TEX11: variants seen among roughly 807,000 people sequenced by gnomAD.
The protein encoded by TEX11 is testis expressed 11, also known as testis-expressed protein 11.
Under a neutral mutation model 84.4 loss-of-function variants are expected in TEX11, and 7 were observed. The ratio of observed to expected loss-of-function variants is 0.08; its 90% confidence interval spans 0.05 to 0.16. The LOEUF (loss-of-function observed/expected upper bound fraction) is 0.16, where lower values mean the gene tolerates loss of function less well. Among genes scored for constraint, TEX11 ranks in the 10% least tolerant of loss-of-function variants. The pLI is 1.00. For synonymous variants in TEX11, 264 were observed against 222.8 expected, an observed-to-expected ratio of 1.18 and a Z score of -1.64; for missense variants, 551 against 660.5, an observed-to-expected ratio of 0.83 and a Z score of 1.82.
chrX:70,633,406 T>G (rs1457079000), intron 17 of TEX11, among the ~76,000 whole-genome samples: 1 of 111,755 alleles, frequency 8.9e-6, no homozygotes, highest in Non-Finnish European at 1.9e-5. Context: ...ATAAAGGATA[T>G]CTGTGAAAAA....
intron 16 of TEX11, among the ~76,000 whole-genome samples, chrX:70,660,480 C>A (rs1220273204): frequency 9.0e-6 from 1 of 111,582 alleles, no homozygotes; most frequent in South Asian, 3.7e-4. Flanking sequence ...ACTTTAAAAT[C>A]TTTTTTGACT....
intron 25 of TEX11, among the ~76,000 whole-genome samples, chrX:70,579,475 C>T (rs2088734900): frequency 3.0e-5 from 3 of 101,040 alleles, no homozygotes; most frequent in South Asian, 4.8e-4. Context: ...CCAGCCTGGG[C>T]GACAGAGCAA....
intron 25 of TEX11, among the ~76,000 whole-genome samples, chrX:70,555,044 T>G (rs1012345687): frequency 2.7e-5 from 3 of 111,970 alleles, no homozygotes; most frequent in African/African-American, 9.7e-5. Context: ...TCACTAGAAC[T>G]ACCTATATTT....
chrX:70,704,416 A>G (rs1308664576), intron 13 of TEX11, among the ~76,000 whole-genome samples: 4 of 111,694 alleles, frequency 3.6e-5, no homozygotes, highest in Non-Finnish European at 5.7e-5. Context: ...ATATTAAATT[A>G]AAAGCCCTTA....
chrX:70,867,078 A>C (rs2091603321), intron 4 of TEX11, among the ~76,000 whole-genome samples: 1 of 111,983 alleles, frequency 8.9e-6, no homozygotes, highest in African/African-American at 3.2e-5. Flanking sequence ...AGTGGAAGTC[A>C]AATTGTCTGT....
At chrX:70,633,526 T>G (rs2089534928) in intron 17 of TEX11, among the ~76,000 whole-genome samples, 1 of 111,970 alleles carries the variant, frequency 8.9e-6, no homozygotes, top group African/African-American at 3.2e-5. Context: ...TACTGGAGAA[T>G]CTAACAAGAG....
chrX:70,817,242 CACATATATATAT>C (rs1263098198), intron 8 of TEX11, among the ~76,000 whole-genome samples: 11 of 87,879 alleles, frequency 1.3e-4, no homozygotes, highest in African/African-American at 4.6e-4. Context: ...CACACACACA[CACATATATATAT>C]ACACACACAC....
chrX:70,817,093 C>T (rs2091290281), intron 8 of TEX11, among the ~76,000 whole-genome samples: 1 of 107,050 alleles, frequency 9.3e-6, no homozygotes, highest in African/African-American at 3.4e-5. Flanking sequence ...CAGACGATAT[C>T]ATGGTTTTCA....
intron 25 of TEX11, among the ~76,000 whole-genome samples, chrX:70,571,486 G>C (rs185941838): frequency 3.2e-4 from 36 of 112,134 alleles, no homozygotes; most frequent in African/African-American, 9.4e-4. Context: ...TGCATTTAAA[G>C]CTATGTCTTT....
chrX:70,580,739 T>G (rs1328378858), intron 25 of TEX11, among the ~76,000 whole-genome samples: 1 of 112,359 alleles, frequency 8.9e-6, no homozygotes, highest in Non-Finnish European at 1.9e-5. Context: ...TCAAATAAGA[T>G]AATGTTACTT....
intron 9 of TEX11, among the ~76,000 whole-genome samples, chrX:70,798,887 T>C (rs1384727612): frequency 1.1e-5 from 1 of 90,346 alleles, no homozygotes; most frequent in Non-Finnish European, 2.5e-5. Context: ...ACTGTAAAAT[T>C]ACTAGAAGAA....
At chrX:70,578,643 T>A (rs748939498) in intron 25 of TEX11, among the ~76,000 whole-genome samples, 35 of 111,167 alleles carry the variant, frequency 3.1e-4, no homozygotes, top group African/African-American at 9.8e-4. Flanking sequence ...CTGGGGAGTA[T>A]TAATAAGTTA....
At chrX:70,831,627 C>T (rs993906213) in intron 8 of TEX11, among the ~76,000 whole-genome samples, 1 of 111,071 alleles carries the variant, frequency 9.0e-6, no homozygotes. Context: ...TACTCTATCT[C>T]TTCAAATAAA....
At chrX:70,638,570 T>G (rs1049979361) in intron 17 of TEX11, among the ~76,000 whole-genome samples, 2 of 110,224 alleles carry the variant, frequency 1.8e-5, no homozygotes, top group African/African-American at 3.3e-5. Flanking sequence ...GAGGCTGAGG[T>G]GGGCAGATCA....
At position 70,543,252 on chromosome X, in the gene TEX11, A is replaced by G. The variant is rs199691266; in HGVS notation, c.2520+8874T>C. Among the ~76,000 whole-genome samples, 49 of 112,560 alleles carry G rather than the reference A, an allele frequency of 4.4e-4. No homozygotes were observed. The East Asian group carries it at 0.01, about 23-fold the overall frequency. On this transcript the variant is annotated intron_variant, in intron 28 of 29. Coordinates refer to ENST00000374333, the MANE Select transcript of TEX11 (RefSeq NM_031276.3). The stretch of plus-strand genomic sequence containing the variant: ...TAAAAAATAAATTAATCACTGCATT[A>G]AAAAGCTAACTATCCAGTCATGTTT...
At chrX:70,739,002 C>G (rs1569425167) in intron 11 of TEX11, among the ~76,000 whole-genome samples, 1 of 110,779 alleles carries the variant, frequency 9.0e-6, no homozygotes, top group East Asian at 2.8e-4. Context: ...CTAATGCAGG[C>G]AAGGGCTTAA....
At chrX:70,885,070 T>G (rs370656902) in intron 2 of TEX11, among the ~76,000 whole-genome samples, 2 of 110,957 alleles carry the variant, frequency 1.8e-5, no homozygotes, top group African/African-American at 3.3e-5. Flanking sequence ...AGCTCTCCAC[T>G]CTGGCTCAGC....
intron 25 of TEX11, among the ~76,000 whole-genome samples, chrX:70,579,999 A>C (rs147615544): frequency 0.032 from 3,534 of 111,898 alleles, 78 homozygotes; most frequent in Admixed American, 0.11. Context: ...AGATATCTGC[A>C]CTCCCATATG....
chrX:70,639,945 A>C (rs986754521), intron 17 of TEX11, among the ~76,000 whole-genome samples: 10 of 111,898 alleles, frequency 8.9e-5, no homozygotes, highest in Non-Finnish European at 1.3e-4. Context: ...CTGAGAGAAG[A>C]AGACTTCAGA....
Sources: allele counts gnomAD v4.1 joint callset (sites outside exome capture counted in the v4.1 genomes callset), GRCh38; gene constraint gnomAD v4.1.1; transcripts MANE v1.5; gene names NCBI Gene and HGNC (gene_info 2026-07-23, HGNC 2026-07-21).